The following UMOD variants were observed in gnomAD, a reference collection of about 807,000 sequenced individuals.
UMOD encodes uromodulin, also known as Tamm-Horsfall urinary glycoprotein.
In UMOD, 64 loss-of-function variants were observed where a neutral mutation model predicts 66.0. That is an observed-to-expected ratio of 0.97 (90% CI 0.79 to 1.19). The LOEUF (loss-of-function observed/expected upper bound fraction) is 1.19. UMOD is among the 50% of genes most tolerant of loss of function. UMOD has a pLI of 0.00. For missense variants in UMOD, 764 were observed against 850.9 expected (o/e 0.90, Z 1.27); for synonymous variants, 398 against 352.7 (o/e 1.13, Z -1.44).
Position 20,351,793 on chromosome 16 carries a change from G to T in UMOD, c.-103+896C>A, listed in dbSNP as rs569647707. ...CCCAACACTTTGGGAGACTGAGGGG[G>T]TGGATCACAAGGTCAGGAGTTTGAG... On this transcript the variant is annotated intron_variant, in intron 1 of 10. Coordinates refer to ENST00000396138, the MANE Select transcript of UMOD (RefSeq NM_003361.4). Among the ~76,000 whole-genome samples, 19 of 152,258 alleles carry T rather than the reference G, an allele frequency of 1.2e-4. No individual in the cohort carries two copies. In the East Asian group the frequency reaches 2.5e-3, roughly 20 times the overall value.
intron 10 of UMOD, 59 bp downstream of exon 10, chr16:20,335,419 CAGAT>C (rs1964814305): frequency 6.5e-7 from 1 of 1,537,928 alleles, no homozygotes; most frequent in Middle Eastern, 1.7e-4. Context: ...TACAAGTTAA[CAGAT>C]AGAAGCCCCC....
At chr16:20,341,786 G>C (rs550273745) in intron 6 of UMOD, among the ~76,000 whole-genome samples, 2 of 152,322 alleles carry the variant, frequency 1.3e-5, no homozygotes, top group East Asian at 1.9e-4. Context: ...ATTGAGCTAT[G>C]ATGAGGCCTA....
chr16:20,344,228 A>C, intron 5 of UMOD, 56 bp from the exon 6 acceptor site: 1 of 1,538,844 alleles, frequency 6.5e-7, no homozygotes, highest in East Asian at 2.3e-5. Flanking sequence ...GGGGCATGAG[A>C]ATCTGAGTAG....
In UMOD at chr16:20,348,205, C is replaced by T; in HGVS notation, c.973+18G>A. The T allele has an allele frequency of 6.2e-7, 1 of 1,610,928 alleles. No individual in the cohort carries two copies. ...TGACAGGTTTCTCAACAACCCGCTT[C>T]CTCCCCACTGGCCTCACCAGTGATG... On this transcript the variant is annotated intron_variant, in intron 4 of 10. Coordinates refer to ENST00000396138, the MANE Select transcript of UMOD (RefSeq NM_003361.4).
intron 2 of UMOD, 150 bp downstream of exon 2, chr16:20,350,500 A>G: frequency 2.7e-6 from 3 of 1,119,818 alleles, no homozygotes; most frequent in Non-Finnish European, 3.9e-6. Flanking sequence ...TATTGAGTCT[A>G]AGAAATGGAC....
At chr16:20,353,804 C>G (rs964133104), upstream of UMOD, among the ~76,000 whole-genome samples, 1 of 151,740 alleles carries the variant, frequency 6.6e-6, no homozygotes, top group Non-Finnish European at 1.5e-5. Context: ...AAGTGCACAA[C>G]GTGCAGGTTT....
At chr16:20,335,193 C>T (rs929841403) in intron 10 of UMOD, among the ~76,000 whole-genome samples, 3 of 152,086 alleles carry the variant, frequency 2.0e-5, no homozygotes, top group Non-Finnish European at 4.4e-5. Context: ...TCAGTAAGTG[C>T]CCAAGATGCA....
upstream of UMOD, among the ~76,000 whole-genome samples, chr16:20,355,919 G>A (rs1238161996): frequency 2.0e-5 from 3 of 152,178 alleles, no homozygotes; most frequent in African/African-American, 7.2e-5. Flanking sequence ...CAGCTAGCGA[G>A]TGTTAAATCC....
Position 20,344,024 on chromosome 16 carries a change from C to G in UMOD, c.1331G>C (p.Ser444Thr), listed in dbSNP as rs1567305235. ...CCCTAGGGACCCTCTCTGGCCACAC[C>G]TGACCATTGGCTGTAGGGCGGTCTT... ...SLKTALQPMVSALNIRVGGTG... is the reference protein window; with the variant it reads ...SLKTALQPMVTALNIRVGGTG... Residue 444 changes from serine to threonine, a missense_variant and splice_region_variant, in exon 6 of 11, where the codon AGT becomes ACT. Physicochemically the swap from Ser to Thr is moderately conservative, Grantham distance 58. Transcript: ENST00000396138. 6 of 1,613,588 alleles carry G rather than the reference C, an allele frequency of 3.7e-6. No individual in the cohort carries two copies. Among genetic ancestry groups the G allele is most frequent in the Non-Finnish European group, 4.2e-6 (5 of 1,180,018 alleles).
intron 4 of UMOD, among the ~76,000 whole-genome samples, chr16:20,346,767 CAGT>C (rs886127264): frequency 1.8e-4 from 28 of 152,136 alleles, no homozygotes; most frequent in Admixed American, 1.3e-4. Flanking sequence ...GCATCTCCCA[CAGT>C]AGTAATAGTA....
intron 7 of UMOD, among the ~76,000 whole-genome samples, chr16:20,338,949 A>G (rs1354585332): frequency 6.6e-6 from 1 of 151,912 alleles, no homozygotes; most frequent in Non-Finnish European, 1.5e-5. Flanking sequence ...TTTAGTAGAG[A>G]TGGGCTTTGC....
chr16:20,338,911 C>A (rs1965030418), intron 7 of UMOD, among the ~76,000 whole-genome samples: 1 of 152,150 alleles, frequency 6.6e-6, no homozygotes, highest in Non-Finnish European at 1.5e-5. Context: ...AGGCGCCCAC[C>A]ACCATGCCTG....
chr16:20,345,009 A>C (rs924855172), intron 5 of UMOD, among the ~76,000 whole-genome samples: 1 of 152,052 alleles, frequency 6.6e-6, no homozygotes, highest in African/African-American at 2.4e-5. Context: ...GACATGAATT[A>C]TTTCTTTTTG....
At chr16:20,345,396 TTTTTTTTC>T (rs1214407712) in intron 5 of UMOD, among the ~76,000 whole-genome samples, 678 of 27,906 alleles carry the variant, frequency 0.024, 7 homozygotes, top group Non-Finnish European at 0.072. Flanking sequence ...TTTCTTTTCT[TTTTTTTTC>T]TTTCTTTCTT....
At chr16:20,338,561 C>G (rs1050675965) in intron 7 of UMOD, among the ~76,000 whole-genome samples, 17 of 152,124 alleles carry the variant, frequency 1.1e-4, no homozygotes, top group African/African-American at 4.1e-4. Context: ...GTGGTGTGAT[C>G]TTGGCTCACT....
At position 20,341,187 on chromosome 16, in the gene UMOD, C is replaced by T; in HGVS notation, c.1481G>A (p.Gly494Asp). The T allele has an allele frequency of 1.2e-6, 2 of 1,613,964 alleles. No homozygotes were observed. The highest frequency in any genetic ancestry group is 1.1e-5 in the South Asian group (1 of 91,052). Residue 494 changes from glycine (G) to aspartate (D), a missense_variant, in exon 7 of 11, where the codon GGC (glycine) becomes GAC (aspartate). Physicochemically the swap from Gly to Asp is moderately conservative, Grantham distance 94 (BLOSUM62 -1). Transcript: ENST00000396138. ...FLYVGTMLDG[G>D]DLSRFALLMT... ...GAGCAGTGCAAATCGGGACAGGTCG[C>T]CCCCATCCAACATGGTGCCCACGTA...
chr16:20,340,116 CCCT>C (rs1182821067), intron 7 of UMOD, among the ~76,000 whole-genome samples: 1 of 152,078 alleles, frequency 6.6e-6, no homozygotes, highest in East Asian at 1.9e-4. Flanking sequence ...GCTTGTACAT[CCCT>C]CCTCAGAAAT....
At chr16:20,341,842 A>G (rs114924681) in intron 6 of UMOD, among the ~76,000 whole-genome samples, 5 of 152,234 alleles carry the variant, frequency 3.3e-5, no homozygotes, top group African/African-American at 1.2e-4. Flanking sequence ...CATCTATATC[A>G]GAAGATTGAG....
intron 6 of UMOD, among the ~76,000 whole-genome samples, chr16:20,343,346 C>T (rs1364790233): frequency 2.6e-5 from 4 of 152,036 alleles, no homozygotes; most frequent in African/African-American, 9.7e-5. Context: ...TCCCTTGGCC[C>T]CTACCAAGAC....
Sources: gnomAD v4.1 joint callset for allele counts (sites outside exome capture counted in the v4.1 genomes callset) on GRCh38, gnomAD v4.1.1 for gene constraint, MANE v1.5 for transcripts, NCBI Gene and HGNC (gene_info 2026-07-23, HGNC 2026-07-21) for gene names.